The following VPS8 variants were observed in gnomAD, a reference collection of about 807,000 sequenced individuals.
VPS8 encodes VPS8 subunit of CORVET complex, also known as vacuolar protein sorting-associated protein 8 homolog.
A neutral mutation model predicts 216.4 loss-of-function variants in VPS8; 129 were observed. The observed-to-expected ratio is 0.60, with a 90% CI of 0.52 to 0.69. VPS8 has a LOEUF of 0.69. Ranked by LOEUF, VPS8 falls within the 30% of genes least tolerant of loss-of-function variation. The probability of loss-of-function intolerance (pLI) is 0.00; values close to 1 mark genes in which losing one functional copy is unlikely to be tolerated. For synonymous variants in VPS8, 571 were observed against 565.4 expected, an observed-to-expected ratio of 1.01 and a Z score of -0.14; for missense variants, 1,531 against 1,683.5, an observed-to-expected ratio of 0.91 and a Z score of 1.59.
chr3:185,007,709 C>T (rs1372836477), intron 45 of VPS8, among the ~76,000 whole-genome samples: 2 of 152,050 alleles, frequency 1.3e-5, no homozygotes, highest in Admixed American at 6.6e-5. Flanking sequence ...GAGTTTTTCC[C>T]CACTACTTGG....
chr3:184,974,591 G>A (rs561456689), intron 40 of VPS8, among the ~76,000 whole-genome samples: 47 of 151,738 alleles, frequency 3.1e-4, no homozygotes, highest in Admixed American at 2.3e-3. Context: ...TTTTGTTTTC[G>A]TTACCTGTGA....
chr3:184,823,923 G>C lies in VPS8; in HGVS notation c.-88-622G>C, dbSNP rs554092863. On this transcript the variant is annotated intron_variant, in intron 1 of 47. Coordinates refer to ENST00000625842, the MANE Select transcript of VPS8 (RefSeq NM_001009921.3). ...TTCATTTCTCTCTGAAAATGTCCAT[G>C]TTTCTCTGTGACTGGCTCTGTTTCT... 2.0e-5 allele frequency among the ~76,000 whole-genome samples: 3 copies of C among 152,256 alleles called. No homozygotes were observed. The South Asian group carries it at 6.2e-4, about 32-fold the overall frequency.
At chr3:184,837,186 T>G (rs777222333) in intron 5 of VPS8, among the ~76,000 whole-genome samples, 32 of 151,148 alleles carry the variant, frequency 2.1e-4, no homozygotes, top group Non-Finnish European at 4.0e-4. Flanking sequence ...AATTCTGTAA[T>G]CTCTACAATG....
At position 184,983,003 on chromosome 3, in the gene VPS8, T is replaced by A; in HGVS notation, c.3503-9T>A. ...AACTAACCTTAATGTTAATATTTTG[T>A]TATAACAGCTCTGAAGTCTTTGACC... On this transcript the variant is annotated splice_polypyrimidine_tract_variant and intron_variant, in intron 41 of 47. Transcript: ENST00000625842. The A allele has an allele frequency of 6.3e-7, 1 of 1,585,508 alleles. No homozygotes were observed. Among genetic ancestry groups the A allele is most frequent in the Non-Finnish European group, 8.6e-7 (1 of 1,165,822 alleles).
chr3:184,836,181 G>T (rs1375879264), intron 5 of VPS8: 1 of 444,132 alleles, frequency 2.3e-6, no homozygotes, highest in East Asian at 7.0e-5. Flanking sequence ...ATATCATGAA[G>T]TGAATTTAAA....
At chr3:184,952,534 G>C (rs62289465) in intron 36 of VPS8, among the ~76,000 whole-genome samples, 80,564 of 151,992 alleles carry the variant, frequency 0.53, 22,661 homozygotes, top group Middle Eastern at 0.69. Flanking sequence ...CTGAAAATAA[G>C]CAGTTCAAGG....
chr3:184,853,833 T>C, intron 11 of VPS8, 24 bp from the exon 12 acceptor site: 1 of 1,553,570 alleles, frequency 6.4e-7, no homozygotes, highest in East Asian at 2.4e-5. Context: ...AAATTGATTC[T>C]GAATTTTCAA....
chr3:184,861,739 A>G (rs554486804), intron 15 of VPS8, among the ~76,000 whole-genome samples: 1 of 152,334 alleles, frequency 6.6e-6, no homozygotes, highest in South Asian at 2.1e-4. Flanking sequence ...CTGCGGGTCT[A>G]ATCTCAGGAA....
At chr3:185,010,849 A>T (rs182229406) in intron 45 of VPS8, among the ~76,000 whole-genome samples, 1,704 of 152,192 alleles carry the variant, frequency 0.011, 13 homozygotes, top group Non-Finnish European at 0.017. Flanking sequence ...CGAAATTTTT[A>T]AAAAATTAGC....
chr3:184,993,882 T>C (rs1752254013), intron 42 of VPS8, 101 bp from the exon 43 acceptor site: 1 of 901,794 alleles, frequency 1.1e-6, no homozygotes, highest in African/African-American at 1.7e-5. Context: ...TTTGTGACTG[T>C]AGAAAAATAC....
chr3:184,850,591 A>T (rs1325565331), intron 10 of VPS8, among the ~76,000 whole-genome samples: 1 of 152,244 alleles, frequency 6.6e-6, no homozygotes, highest in South Asian at 2.1e-4. Flanking sequence ...TATAGGCCTG[A>T]AAAAATAAAC....
Position 184,930,499 on chromosome 3 carries a change from C to G in VPS8, c.2829C>G (p.Ile943Met), listed in dbSNP as rs1428147533. Residue 943 changes from isoleucine (I) to methionine (M), a missense_variant, in exon 34 of 48, where the codon ATC (isoleucine) becomes ATG (methionine). This residue lies in a region of VPS8 where 1,318 missense variants were observed against 1,468.4 expected (regional missense o/e 0.90). Coordinates refer to ENST00000625842, the MANE Select transcript of VPS8 (RefSeq NM_001009921.3). ...EEEVFNYIHN[I>M]LSIPGHSAEE... ...AAGTCTTTAATTACATTCACAATAT[C>G]TTATCCATTCCCGGACACAGTGCAG... 4 of 1,613,018 alleles carry G rather than the reference C, an allele frequency of 2.5e-6. No homozygotes were observed. The highest frequency in any genetic ancestry group is 2.7e-5 in the African/African-American group (2 of 74,884).
intron 3 of VPS8, among the ~76,000 whole-genome samples, chr3:184,831,576 CTTTATCTGCCA>C (rs1719995349): frequency 6.6e-6 from 1 of 152,164 alleles, no homozygotes; most frequent in African/African-American, 2.4e-5. Context: ...CCTCATCCTG[CTTTATCTGCCA>C]TTTGTCTGCT....
intron 22 of VPS8, among the ~76,000 whole-genome samples, chr3:184,887,269 C>T (rs746444271): frequency 9.2e-5 from 14 of 152,048 alleles, no homozygotes; most frequent in Admixed American, 7.9e-4. Context: ...ATCGTTTGAG[C>T]GCAGGAAGTC....
intron 32 of VPS8, 86 bp downstream of exon 32, chr3:184,928,619 T>C: frequency 2.0e-6 from 2 of 975,626 alleles, no homozygotes; most frequent in Non-Finnish European, 2.8e-6. Context: ...TATTGATACA[T>C]TGCTGCTTTT....
intron 37 of VPS8, among the ~76,000 whole-genome samples, chr3:184,960,543 A>G (rs1349374892): frequency 2.0e-5 from 3 of 152,226 alleles, no homozygotes; most frequent in Admixed American, 1.3e-4. Context: ...TGGAACACAT[A>G]TTAATAACAC....
At chr3:184,977,219 AT>A (rs1009717611) in intron 40 of VPS8, among the ~76,000 whole-genome samples, 20 of 151,756 alleles carry the variant, frequency 1.3e-4, no homozygotes, top group Admixed American at 9.2e-4. Flanking sequence ...GATGCGTAGC[AT>A]TTTTTTTCAT....
intron 7 of VPS8, chr3:184,840,363 A>C (rs1384655715): frequency 6.6e-6 from 1 of 152,176 alleles, no homozygotes; most frequent in East Asian, 1.9e-4. Context: ...TTTTGAATTC[A>C]ATGTATGAGT....
chr3:184,825,667 C>G (rs1037460992), intron 2 of VPS8, among the ~76,000 whole-genome samples: 1 of 152,062 alleles, frequency 6.6e-6, no homozygotes. Context: ...TTTATGAGGC[C>G]GAGATGGGTG....
Sources: gnomAD v4.1 joint callset for allele counts (sites outside exome capture counted in the v4.1 genomes callset) on GRCh38, gnomAD v4.1.1 for gene constraint, gnomAD v4.1.1 regional missense constraint, MANE v1.5 for transcripts, NCBI Gene and HGNC (gene_info 2026-07-23, HGNC 2026-07-21) for gene names.